Variants in HMGA2 observed in about 807,000 individuals in gnomAD.
The protein encoded by HMGA2 is high mobility group AT-hook 2.
Under a neutral mutation model 19.1 loss-of-function variants are expected in HMGA2, and 8 were observed. The observed-to-expected ratio is 0.42, with a 90% CI of 0.25 to 0.76. The LOEUF (loss-of-function observed/expected upper bound fraction) is 0.76. Among genes scored for constraint, HMGA2 ranks in the 30% least tolerant of loss-of-function variants. The pLI is 0.28. For missense variants in HMGA2, 109 were observed against 136.3 expected (o/e 0.80, Z 1.00); for synonymous variants, 60 against 48.8 (o/e 1.23, Z -0.96).
At chr12:65,913,311 C>T (rs74513855) in intron 3 of HMGA2, among the ~76,000 whole-genome samples, 64 of 152,254 alleles carry the variant, frequency 4.2e-4, no homozygotes, top group African/African-American at 1.4e-3. Flanking sequence ...TTCACTTCTC[C>T]GCTTTTCTCC....
chr12:65,828,911 G>A (rs1010635338), intron 2 of HMGA2: 2 of 152,114 alleles, frequency 1.3e-5, no homozygotes, highest in African/African-American at 2.4e-5. Context: ...CTATGTCAGG[G>A]TTAATGCATG....
In HMGA2 at chr12:65,824,717, C is replaced by CTCTCTCTCTCTCTCTG. The variant is rs1565697420; in HGVS notation, c.-539_-538insGTCTCTCTCTCTCTCT. The CTCTCTCTCTCTCTCTG allele has an allele frequency of 2.9e-4, 14 of 47,848 alleles. 1 individual carries two copies. Among genetic ancestry groups the CTCTCTCTCTCTCTCTG allele is most frequent in the African/African-American group, 7.5e-4 (13 of 17,280 alleles). 3.0% of individuals were successfully genotyped at this position (47,848 alleles called of 1,614,324 possible). A position where few individuals can be genotyped will look rare whatever the true frequency, so the allele number is the denominator to read the frequency against. On this transcript the variant is annotated 5_prime_UTR_variant, in exon 1 of 5. Transcript: ENST00000403681. ...GGCACTTTCAATCTCAATCTCTTCT[C>CTCTCTCTCTCTCTCTG]TCTCTCTCTCTCTCTCTCTCTCTCT...
At chr12:65,886,219 A>T (rs970871270) in intron 3 of HMGA2, among the ~76,000 whole-genome samples, 2 of 152,174 alleles carry the variant, frequency 1.3e-5, no homozygotes, top group Non-Finnish European at 2.9e-5. Context: ...TGATACACAG[A>T]TTTAAGAGGT....
intron 3 of HMGA2, among the ~76,000 whole-genome samples, chr12:65,848,102 G>C (rs771064033): frequency 2.6e-5 from 4 of 152,076 alleles, no homozygotes; most frequent in Admixed American, 6.6e-5. Flanking sequence ...TAGAAACTTC[G>C]AATGTCTTGC....
At chr12:65,872,219 GT>G (rs1428234588) in intron 3 of HMGA2, among the ~76,000 whole-genome samples, 2 of 152,176 alleles carry the variant, frequency 1.3e-5, no homozygotes, top group East Asian at 3.9e-4. Flanking sequence ...ACACTTCTCA[GT>G]CCCCGTCCTG....
At chr12:65,886,936 C>A (rs1016891680) in intron 3 of HMGA2, among the ~76,000 whole-genome samples, 1 of 152,162 alleles carries the variant, frequency 6.6e-6, no homozygotes, top group Non-Finnish European at 1.5e-5. Flanking sequence ...TCCTCAGTTT[C>A]CCTTAATAAG....
At chr12:65,843,627 A>C (rs1871097937) in intron 3 of HMGA2, 3 of 169,538 alleles carry the variant, frequency 1.8e-5, no homozygotes, top group Admixed American at 1.3e-4. Context: ...TAAGTTTTAC[A>C]TGTCCATTAC....
intron 3 of HMGA2, among the ~76,000 whole-genome samples, chr12:65,950,856 T>C (rs1036996743): frequency 2.0e-5 from 3 of 152,252 alleles, no homozygotes; most frequent in Admixed American, 2.0e-4. Context: ...TGCCAGAATT[T>C]AATTGGGAAT....
intron 3 of HMGA2, among the ~76,000 whole-genome samples, chr12:65,880,194 C>T (rs369526491): frequency 2.0e-5 from 3 of 152,156 alleles, no homozygotes; most frequent in East Asian, 1.9e-4. Context: ...GCATTTTTCA[C>T]GGGGAAAATC....
At chr12:65,952,305 T>A (rs1876484498) in intron 4 of HMGA2, 2 of 1,331,046 alleles carry the variant, frequency 1.5e-6, no homozygotes, top group South Asian at 1.3e-5. Flanking sequence ...ATCCATGAAA[T>A]TTTTTTCCCT....
intron 3 of HMGA2, among the ~76,000 whole-genome samples, chr12:65,886,591 A>T (rs1295889220): frequency 6.6e-6 from 1 of 151,656 alleles, no homozygotes; most frequent in Non-Finnish European, 1.5e-5. Context: ...ACTCCTGACC[A>T]TGTGATCTGC....
At chr12:65,881,900 G>T in intron 3 of HMGA2, 2 of 702,380 alleles carry the variant, frequency 2.8e-6, no homozygotes, top group Middle Eastern at 2.3e-4. Context: ...GGTAGGTCCC[G>T]GAGTATGTTT....
At chr12:65,843,682 A>ACACACACACACACACACAAG (rs1565704983) in intron 3 of HMGA2, among the ~76,000 whole-genome samples, 5 of 151,786 alleles carry the variant, frequency 3.3e-5, no homozygotes, top group African/African-American at 1.2e-4. Flanking sequence ...ACACACACAC[A>ACACACACACACACACACAAG]CACACACACA....
chr12:65,870,980 T>G (rs1216501138), intron 3 of HMGA2, among the ~76,000 whole-genome samples: 1 of 152,048 alleles, frequency 6.6e-6, no homozygotes, highest in Non-Finnish European at 1.5e-5. Flanking sequence ...GATTGGATGT[T>G]ACAGGAAATG....
At position 65,951,399 on chromosome 12, in the gene HMGA2, A is replaced by T; in HGVS notation, c.266A>T (p.Gln89Leu). Residue 89 changes from glutamine (Q) to leucine (L), a missense_variant, in exon 4 of 5, where the codon CAG (glutamine) becomes CTG (leucine). Physicochemically the swap from Gln to Leu is moderately radical, Grantham distance 113 (BLOSUM62 -2). Coordinates refer to ENST00000403681, the MANE Select transcript of HMGA2 (RefSeq NM_003483.6). ...CCTCCTTAGCCACAACAAGTTGTTC[A>T]GAAGAAGCCTGCTCAGGTAAGACAT... is the stretch of plus-strand genomic sequence containing the variant. ...RPRKWPQQVVQKKPAQEETEE... is the reference protein window; with the variant it reads ...RPRKWPQQVVLKKPAQEETEE... 1.3e-6 allele frequency: 2 copies of T among 1,531,088 alleles called. No homozygotes were observed. The highest frequency in any genetic ancestry group is 1.8e-6 in the Non-Finnish European group (2 of 1,132,108). 94.8% of individuals were successfully genotyped at this position (1,531,088 alleles called of 1,614,324 possible).
intron 3 of HMGA2, among the ~76,000 whole-genome samples, chr12:65,894,363 G>T (rs1472226980): frequency 6.6e-6 from 1 of 152,142 alleles, no homozygotes; most frequent in East Asian, 1.9e-4. Flanking sequence ...ATGTTTCAAG[G>T]ATTTATGCAT....
intron 3 of HMGA2, among the ~76,000 whole-genome samples, chr12:65,948,162 C>T (rs559325947): frequency 6.6e-6 from 1 of 152,218 alleles, no homozygotes; most frequent in East Asian, 1.9e-4. Flanking sequence ...TGGACCCTCC[C>T]AGTAACAAAG....
intron 2 of HMGA2, among the ~76,000 whole-genome samples, chr12:65,831,876 G>T (rs2120842831): frequency 6.6e-6 from 1 of 151,992 alleles, no homozygotes; most frequent in African/African-American, 2.4e-5. Context: ...TAATTAAAAG[G>T]AGAAACCAAA....
At chr12:65,839,471 AAG>A (rs1870899254) in intron 3 of HMGA2, among the ~76,000 whole-genome samples, 1 of 151,536 alleles carries the variant, frequency 6.6e-6, no homozygotes, top group African/African-American at 2.4e-5. Flanking sequence ...AAATTTTAAA[AAG>A]ATTTTTTTTT....
Sources: allele counts gnomAD v4.1 joint callset (sites outside exome capture counted in the v4.1 genomes callset), GRCh38; gene constraint gnomAD v4.1.1; transcripts MANE v1.5; gene names NCBI Gene and HGNC (gene_info 2026-07-23, HGNC 2026-07-21).